Variants in CRISPLD2 observed in about 807,000 individuals in gnomAD.
The protein encoded by CRISPLD2 is cysteine rich secretory protein LCCL domain containing 2, also known as cysteine-rich secretory protein LCCL domain-containing 2.
Under a neutral mutation model 71.1 loss-of-function variants are expected in CRISPLD2, and 47 were observed. The ratio of observed to expected loss-of-function variants is 0.66; its 90% confidence interval spans 0.52 to 0.84. CRISPLD2 has a LOEUF of 0.84. Ranked by LOEUF, CRISPLD2 falls within the 40% of genes least tolerant of loss-of-function variation. CRISPLD2 has a pLI of 0.00. For missense variants in CRISPLD2, 830 were observed against 651.1 expected, an observed-to-expected ratio of 1.27 and a Z score of -2.99; for synonymous variants, 317 against 250.1, an observed-to-expected ratio of 1.27 and a Z score of -2.52.
In CRISPLD2 at chr16:84,838,535, C is replaced by A. The variant is rs996045027; in HGVS notation, c.40C>A (p.Leu14Met). 2 of 1,614,206 alleles carry A rather than the reference C, an allele frequency of 1.2e-6. No individual in the cohort carries two copies. The highest frequency in any genetic ancestry group is 1.7e-6 in the Non-Finnish European group (2 of 1,180,032). The change falls in exon 2 of 15, where the codon CTG becomes ATG. Residue 14 changes from leucine to methionine, a missense_variant. Physicochemically the swap from Leu to Met is conservative, Grantham distance 15. Coordinates refer to ENST00000262424, the MANE Select transcript of CRISPLD2 (RefSeq NM_031476.4). ...VLGGVIPLGL[L>M]FLVCGSQGYL... ...GGGTGGTGTCATCCCCTTGGGGCTG[C>A]TGTTCCTGGTCTGCGGATCCCAAGG... is the stretch of plus-strand genomic sequence containing the variant.
intron 1 of CRISPLD2, among the ~76,000 whole-genome samples, chr16:84,822,756 T>G (rs893658982): frequency 6.6e-6 from 1 of 152,204 alleles, no homozygotes; most frequent in East Asian, 1.9e-4. Context: ...AAGTCTTAAA[T>G]AGAGCACGCT....
At chr16:84,849,755 C>T (rs76364188) in intron 4 of CRISPLD2, among the ~76,000 whole-genome samples, 1 of 141,022 alleles carries the variant, frequency 7.1e-6, no homozygotes, top group Non-Finnish European at 1.6e-5. Flanking sequence ...TCCCTGCTAC[C>T]TGGGCTGGAG....
intron 14 of CRISPLD2, among the ~76,000 whole-genome samples, chr16:84,896,607 A>C (rs1597485469): frequency 6.6e-6 from 1 of 152,128 alleles, no homozygotes; most frequent in African/African-American, 2.4e-5. Context: ...GGCTAAGGTC[A>C]GTGTCCTGAG....
At chr16:84,843,629 A>G (rs1247293535) in intron 2 of CRISPLD2, among the ~76,000 whole-genome samples, 3 of 152,244 alleles carry the variant, frequency 2.0e-5, no homozygotes, top group Admixed American at 6.5e-5. Context: ...AGGCAATGAG[A>G]TAATGCATAA....
rs1347969464 is a variant in CRISPLD2, at chr16:84,873,064, A to G, written c.1054A>G (p.Arg352Gly). 1.9e-6 allele frequency: 3 copies of G among 1,614,048 alleles called. No homozygotes were observed. Among genetic ancestry groups the G allele is most frequent in the South Asian group, 1.1e-5 (1 of 91,058 alleles). Reference sequence around the variant, plus strand: ...CAAGGGAGGCCTGGTGGATATCACCAGGAACGGGAAGGTCCCCTTCTTCGT... The same window carrying G: ...CAAGGGAGGCCTGGTGGATATCACCGGGAACGGGAAGGTCCCCTTCTTCGT... Reference protein sequence around the residue: ...DDKGGLVDITRNGKVPFFVKS... With the variant: ...DDKGGLVDITGNGKVPFFVKS... Residue 352 changes from arginine to glycine, a missense_variant, in exon 10 of 15, where the codon AGG (arginine) becomes GGG (glycine). Arg to Gly is a moderately radical substitution (Grantham distance 125). Coordinates refer to ENST00000262424, the MANE Select transcript of CRISPLD2 (RefSeq NM_031476.4).
At chr16:84,879,906 G>C (rs527238660) in intron 12 of CRISPLD2, among the ~76,000 whole-genome samples, 16 of 152,148 alleles carry the variant, frequency 1.1e-4, no homozygotes, top group Non-Finnish European at 2.1e-4. Flanking sequence ...AGTAAAGCCC[G>C]TGCTCTTTCC....
At chr16:84,890,827 C>T (rs138041791) in intron 14 of CRISPLD2, among the ~76,000 whole-genome samples, 1 of 152,238 alleles carries the variant, frequency 6.6e-6, no homozygotes, top group Admixed American at 6.5e-5. Flanking sequence ...AACAAAGTCC[C>T]TAGAAGTGAA....
At chr16:84,848,876 C>G (rs112694592) in intron 3 of CRISPLD2, among the ~76,000 whole-genome samples, 5 of 150,118 alleles carry the variant, frequency 3.3e-5, no homozygotes, top group Middle Eastern at 3.6e-3. Flanking sequence ...GGACTCATTA[C>G]TTGGGAGGCT....
intron 14 of CRISPLD2, among the ~76,000 whole-genome samples, chr16:84,903,677 C>T (rs571740380): frequency 2.0e-5 from 3 of 151,820 alleles, no homozygotes; most frequent in Non-Finnish European, 2.9e-5. Flanking sequence ...GATGGAGACT[C>T]GCGTCTGGAA....
Position 84,887,205 on chromosome 16 carries a change from C to T in CRISPLD2, c.1306-2025C>T, listed in dbSNP as rs758369842. Among the ~76,000 whole-genome samples the T allele has an allele frequency of 2.0e-4, 30 of 152,338 alleles. 1 individual carries two copies. The East Asian group carries it at 5.0e-3, about 25-fold the overall frequency. On this transcript the variant is annotated intron_variant, in intron 13 of 14. Coordinates refer to ENST00000262424, the MANE Select transcript of CRISPLD2 (RefSeq NM_031476.4). ...TTTCAGAGGTGACATAGCCCAGCCC[C>T]GCCCTCCTGCTGAGTGACCCATTGG...
chr16:84,837,467 T>A lies in CRISPLD2; in HGVS notation c.-74-955T>A, dbSNP rs1001956812. On this transcript the variant is annotated intron_variant, in intron 1 of 14. Coordinates refer to ENST00000262424, the MANE Select transcript of CRISPLD2 (RefSeq NM_031476.4). ...AGTCTCGCTCTGTCGCCCAGGCTAG[T>A]GTGCAGTGGCGCAATCTCGGCTCAC... 4.0e-5 allele frequency among the ~76,000 whole-genome samples: 6 copies of A among 149,516 alleles called. No homozygotes were observed. In the South Asian group the frequency reaches 6.3e-4, roughly 16 times the overall value.
intron 1 of CRISPLD2, among the ~76,000 whole-genome samples, chr16:84,824,465 C>A (rs1401725539): frequency 1.3e-5 from 2 of 152,242 alleles, no homozygotes; most frequent in Admixed American, 6.5e-5. Context: ...CAAATCCCCC[C>A]AGTCCAAGAG....
chr16:84,889,179 C>G (rs761666747), intron 13 of CRISPLD2, 51 bp from the exon 14 acceptor site: 3 of 1,612,570 alleles, frequency 1.9e-6, no homozygotes, highest in Non-Finnish European at 1.7e-6. Flanking sequence ...GCTGGCTTGA[C>G]CCATGAGCTG....
At position 84,889,298 on chromosome 16, in the gene CRISPLD2, C is replaced by T. The variant is rs149025682; in HGVS notation, c.1374C>T (p.Asp458=). The T allele has an allele frequency of 1.9e-6, 3 of 1,614,012 alleles. No homozygotes were observed. Among genetic ancestry groups the T allele is most frequent in the Non-Finnish European group, 2.5e-6 (3 of 1,179,988 alleles). Residue 458 remains aspartate, a synonymous_variant, in exon 14 of 15, where the codon GAC becomes GAT. Coordinates refer to ENST00000262424, the MANE Select transcript of CRISPLD2 (RefSeq NM_031476.4). The part of the protein sequence containing the change: ...VISNESGGDV[D]VMPVDKKKTY... The stretch of plus-strand genomic sequence containing the variant: ...GCAACGAGAGTGGGGGTGACGTGGA[C>T]GTGATGCCCGTGGATAAAAAGAAGA...
At chr16:84,849,251 C>G (rs1297600509) in intron 3 of CRISPLD2, 134 bp from the exon 4 acceptor site, 16 of 874,350 alleles carry the variant, frequency 1.8e-5, no homozygotes, top group East Asian at 2.6e-5. Flanking sequence ...CCCGGCTGCC[C>G]GTGGCTGCTC....
intron 1 of CRISPLD2, among the ~76,000 whole-genome samples, chr16:84,834,234 G>A (rs1174384802): frequency 2.6e-5 from 4 of 152,232 alleles, no homozygotes; most frequent in Admixed American, 2.6e-4. Flanking sequence ...CGCAGGGCAG[G>A]TCTTCCCCGG....
chr16:84,862,102 G>A (rs1917399848), intron 6 of CRISPLD2, among the ~76,000 whole-genome samples: 1 of 152,106 alleles, frequency 6.6e-6, no homozygotes, highest in Admixed American at 6.5e-5. Context: ...TCCCCTTTAT[G>A]CATGTGTCTT....
chr16:84,880,809 G>C, intron 13 of CRISPLD2: 1 of 369,724 alleles, frequency 2.7e-6, no homozygotes. Context: ...AGGTTCAAAC[G>C]ATTCTTGTAC....
intron 10 of CRISPLD2, 23 bp downstream of exon 10, chr16:84,873,145 T>G: frequency 6.2e-7 from 1 of 1,601,844 alleles, no homozygotes; most frequent in South Asian, 1.1e-5. Flanking sequence ...TGATCGGGGC[T>G]CTGTGAAACG....
Sources: gnomAD v4.1 joint callset for allele counts (sites outside exome capture counted in the v4.1 genomes callset) on GRCh38, gnomAD v4.1.1 for gene constraint, MANE v1.5 for transcripts, NCBI Gene and HGNC (gene_info 2026-07-23, HGNC 2026-07-21) for gene names.